The following AFG2A variants were observed in gnomAD, a reference collection of about 807,000 sequenced individuals.
AFG2A encodes ATPase family gene 2 protein homolog A.
the AFG2A span, among the ~76,000 whole-genome samples, chr4:123,148,538 G>C: frequency 1.2e-4 from 19 of 152,164 alleles, no homozygotes; most frequent in Non-Finnish European, 2.5e-4. Context: ...GTGCCATTAA[G>C]TGTGTCTCTT....
chr4:123,183,985 G>A, the AFG2A span, among the ~76,000 whole-genome samples: 1 of 151,036 alleles, frequency 6.6e-6, no homozygotes, highest in Non-Finnish European at 1.5e-5. Context: ...TGGTAGAGAT[G>A]GGGTCTTGCC....
At chr4:123,150,864 A>G in the AFG2A span, among the ~76,000 whole-genome samples, 1 of 152,220 alleles carries the variant, frequency 6.6e-6, no homozygotes, top group Admixed American at 6.5e-5. Flanking sequence ...CCTGACTTCA[A>G]ACTATACTGC....
At chr4:123,220,625 A>C in the AFG2A span, among the ~76,000 whole-genome samples, 12 of 151,428 alleles carry the variant, frequency 7.9e-5, no homozygotes, top group Non-Finnish European at 7.4e-5. Flanking sequence ...AAAAAAAAAA[A>C]AAAAAAAAAA....
chr4:123,092,985 C>T, the AFG2A span, among the ~76,000 whole-genome samples: 2 of 152,176 alleles, frequency 1.3e-5, no homozygotes, highest in South Asian at 4.1e-4. Context: ...GGAAAAATCT[C>T]TGGACCTTGA....
the AFG2A span, among the ~76,000 whole-genome samples, chr4:122,997,677 A>G: frequency 0.012 from 1,834 of 152,292 alleles, 42 homozygotes; most frequent in African/African-American, 0.041. Context: ...TTGCTGAGTC[A>G]TATGGTAACT....
At chr4:123,232,342 T>C in the AFG2A span, among the ~76,000 whole-genome samples, 1 of 151,894 alleles carries the variant, frequency 6.6e-6, no homozygotes, top group Admixed American at 6.6e-5. Flanking sequence ...AATGCATGAA[T>C]AGGAATATCT....
At chr4:122,977,041 T>A in the AFG2A span, among the ~76,000 whole-genome samples, 2 of 152,206 alleles carry the variant, frequency 1.3e-5, no homozygotes, top group South Asian at 2.1e-4. Flanking sequence ...TTCCAACCTC[T>A]CATCCCCTCC....
the AFG2A span, among the ~76,000 whole-genome samples, chr4:123,074,095 A>ATTTTT: frequency 0.013 from 1,317 of 101,974 alleles, 102 homozygotes; most frequent in African/African-American, 0.042. Context: ...CTCAGATAGT[A>ATTTTT]TTTTTTTTTT....
chr4:123,078,179 C>CT, the AFG2A span, among the ~76,000 whole-genome samples: 1 of 151,922 alleles, frequency 6.6e-6, no homozygotes, highest in Non-Finnish European at 1.5e-5. Context: ...TGATTTTATG[C>CT]TTTTTTTCAT....
At chr4:122,979,432 T>A in the AFG2A span, 1 of 1,568,100 alleles carries the variant, frequency 6.4e-7, no homozygotes, top group Non-Finnish European at 8.6e-7. Flanking sequence ...TGAATTAAAC[T>A]CTGAAAAAAA....
chr4:123,029,654 T>A, the AFG2A span, among the ~76,000 whole-genome samples: 5 of 152,176 alleles, frequency 3.3e-5, no homozygotes, highest in Middle Eastern at 3.2e-3. Flanking sequence ...TGTTATTTTT[T>A]TGAGACATGG....
At chr4:123,282,393 A>G in the AFG2A span, among the ~76,000 whole-genome samples, 2 of 152,180 alleles carry the variant, frequency 1.3e-5, no homozygotes, top group Non-Finnish European at 2.9e-5. Context: ...TGGATACAGT[A>G]TGCTCTAAGT....
chr4:123,095,762 T>C, the AFG2A span, among the ~76,000 whole-genome samples: 1 of 152,150 alleles, frequency 6.6e-6, no homozygotes, highest in African/African-American at 2.4e-5. Flanking sequence ...TAGTGTAATT[T>C]TGGCTACATT....
chr4:123,066,854 A>G, the AFG2A span, among the ~76,000 whole-genome samples: 3 of 152,212 alleles, frequency 2.0e-5, no homozygotes, highest in Non-Finnish European at 4.4e-5. Flanking sequence ...GACGAAATGG[A>G]AAATGTGTAA....
chr4:123,291,550 GA>G, the AFG2A span, among the ~76,000 whole-genome samples: 1 of 152,154 alleles, frequency 6.6e-6, no homozygotes, highest in Non-Finnish European at 1.5e-5. Context: ...GCTTGTCTGG[GA>G]AAGTTTCTCT....
chr4:122,991,832 G>A, the AFG2A span, among the ~76,000 whole-genome samples: 1 of 152,168 alleles, frequency 6.6e-6, no homozygotes, highest in Non-Finnish European at 1.5e-5. Flanking sequence ...ATGGAATTAT[G>A]TAATAATGGA....
chr4:123,162,103 C>A, the AFG2A span, among the ~76,000 whole-genome samples: 1 of 152,114 alleles, frequency 6.6e-6, no homozygotes, highest in Non-Finnish European at 1.5e-5. Context: ...GAGACAACAT[C>A]CTTATTCTGT....
the AFG2A span, among the ~76,000 whole-genome samples, chr4:123,095,077 G>T: frequency 5.4e-5 from 3 of 55,644 alleles, no homozygotes; most frequent in Non-Finnish European, 1.4e-4. Flanking sequence ...GTGTGTGTGT[G>T]TGTGTATATA....
chr4:123,046,116 A>G, the AFG2A span, among the ~76,000 whole-genome samples: 3 of 152,004 alleles, frequency 2.0e-5, no homozygotes, highest in Non-Finnish European at 4.4e-5. Context: ...AAAGAAAGAA[A>G]GAAAAAGAAA....
Sources: allele counts gnomAD v4.1 joint callset (sites outside exome capture counted in the v4.1 genomes callset), GRCh38; gene constraint gnomAD v4.1.1; transcripts MANE v1.5; gene names NCBI Gene and HGNC (gene_info 2026-07-23, HGNC 2026-07-21).